SLC24A2: variants seen among roughly 807,000 people sequenced by gnomAD.
The protein encoded by SLC24A2 is solute carrier family 24 member 2, also known as sodium/potassium/calcium exchanger 2.
Under a neutral mutation model 62.0 loss-of-function variants are expected in SLC24A2, and 36 were observed. The ratio of observed to expected loss-of-function variants is 0.58; its 90% CI spans 0.44 to 0.77. The LOEUF is 0.77. Ranked by LOEUF, SLC24A2 falls within the 30% of genes least tolerant of loss-of-function variation. The probability of loss-of-function intolerance (pLI) is 0.00; values close to 1 mark genes in which losing one functional copy is unlikely to be tolerated. For synonymous variants in SLC24A2, 358 were observed against 294.0 expected (o/e 1.22, Z -2.23); for missense variants, 846 against 817.9 (o/e 1.03, Z -0.42).
At chr9:19,779,852 G>C (rs1173220866) in intron 2 of SLC24A2, among the ~76,000 whole-genome samples, 2 of 152,182 alleles carry the variant, frequency 1.3e-5, no homozygotes, top group Non-Finnish European at 2.9e-5. Context: ...GAGGTCAGGA[G>C]ATGGAGACCA....
At chr9:20,037,693 T>C in the SLC24A2 span, among the ~76,000 whole-genome samples, 1 of 152,206 alleles carries the variant, frequency 6.6e-6, no homozygotes, top group Non-Finnish European at 1.5e-5. Context: ...GGTTCTCAAC[T>C]ATGGGGCATT....
chr9:19,531,681 A>T (rs950659596), intron 8 of SLC24A2, among the ~76,000 whole-genome samples: 2 of 151,526 alleles, frequency 1.3e-5, no homozygotes, highest in East Asian at 2.0e-4. Context: ...TGGGACATAT[A>T]TTTAACAAAG....
chr9:20,236,856 A>G, the SLC24A2 span, among the ~76,000 whole-genome samples: 1 of 152,020 alleles, frequency 6.6e-6, no homozygotes, highest in African/African-American at 2.4e-5. Flanking sequence ...TGATTATGCT[A>G]TCTGAAAGGT....
the SLC24A2 span, among the ~76,000 whole-genome samples, chr9:19,797,885 G>T: frequency 3.3e-5 from 5 of 152,294 alleles, no homozygotes; most frequent in Admixed American, 3.3e-4. Context: ...GCACCTTTAA[G>T]ATTTTCAGTC....
At chr9:19,703,662 G>C (rs1457296728) in intron 2 of SLC24A2, among the ~76,000 whole-genome samples, 3 of 152,164 alleles carry the variant, frequency 2.0e-5, no homozygotes, top group Admixed American at 1.3e-4. Context: ...TAGATGAATT[G>C]AAGATAGAGG....
At chr9:19,981,157 AT>A in the SLC24A2 span, among the ~76,000 whole-genome samples, 2 of 152,236 alleles carry the variant, frequency 1.3e-5, no homozygotes, top group African/African-American at 4.8e-5. Flanking sequence ...AAATGCTAAG[AT>A]ACCTTTAAAA....
At chr9:20,228,503 T>C in the SLC24A2 span, among the ~76,000 whole-genome samples, 5 of 151,536 alleles carry the variant, frequency 3.3e-5, no homozygotes, top group Non-Finnish European at 7.4e-5. Flanking sequence ...GCAACAAATA[T>C]GAAGATGGAA....
the SLC24A2 span, among the ~76,000 whole-genome samples, chr9:19,945,993 C>T: frequency 1.2e-4 from 18 of 152,142 alleles, no homozygotes; most frequent in African/African-American, 4.3e-4. Context: ...AAGATTGTCA[C>T]CCAAGGTCCC....
the SLC24A2 span, among the ~76,000 whole-genome samples, chr9:20,099,252 T>C: frequency 2.0e-5 from 3 of 152,220 alleles, no homozygotes; most frequent in Admixed American, 6.5e-5. Flanking sequence ...TATCCAGAGA[T>C]AGGAGAAAGT....
the SLC24A2 span, among the ~76,000 whole-genome samples, chr9:20,291,516 T>C: frequency 6.6e-6 from 1 of 152,118 alleles, no homozygotes; most frequent in Non-Finnish European, 1.5e-5. Flanking sequence ...ACAAGAAGGA[T>C]GCTATGGCAG....
intron 4 of SLC24A2, among the ~76,000 whole-genome samples, chr9:19,601,169 T>C (rs1836830518): frequency 6.6e-6 from 1 of 151,722 alleles, no homozygotes; most frequent in Non-Finnish European, 1.5e-5. Flanking sequence ...CACCAATCAG[T>C]GCTCTGTAAA....
At position 19,509,050 on chromosome 9, in the gene SLC24A2, G is replaced by C. The variant is rs1256453438; in HGVS notation, c.*7103C>G. 3.9e-5 allele frequency: 6 copies of C among 152,156 alleles called. No individual in the cohort carries two copies. Among genetic ancestry groups the C allele is most frequent in the African/African-American group, 1.2e-4 (5 of 41,516 alleles). 9.4% of individuals were successfully genotyped at this position (152,156 alleles called of 1,614,324 possible). ...ATACCTCTATTTCCCATTTTTATAA[G>C]GGAACTTCTTAGACCCATCCTATAT... On this transcript the variant is annotated 3_prime_UTR_variant, in exon 11 of 11. Coordinates refer to ENST00000341998, the MANE Select transcript of SLC24A2 (RefSeq NM_020344.4).
chr9:19,609,054 C>A (rs1837071794), intron 4 of SLC24A2, among the ~76,000 whole-genome samples: 1 of 152,232 alleles, frequency 6.6e-6, no homozygotes, highest in African/African-American at 2.4e-5. Flanking sequence ...AAGGCCCTTC[C>A]TCAGGGTTCA....
chr9:19,660,222 C>T (rs1819057520), intron 2 of SLC24A2, among the ~76,000 whole-genome samples: 1 of 152,128 alleles, frequency 6.6e-6, no homozygotes, highest in African/African-American at 2.4e-5. Flanking sequence ...AATGACTGCT[C>T]TAACATTTCT....
the SLC24A2 span, among the ~76,000 whole-genome samples, chr9:20,118,451 CT>C: frequency 0.014 from 2,198 of 152,172 alleles, 72 homozygotes; most frequent in African/African-American, 0.05. Flanking sequence ...CCAGGGGCCC[CT>C]GACTGATGCT....
At chr9:20,105,761 T>C in the SLC24A2 span, among the ~76,000 whole-genome samples, 1 of 151,804 alleles carries the variant, frequency 6.6e-6, no homozygotes, top group African/African-American at 2.4e-5. Context: ...GATCCAAAAT[T>C]GACACCCTAA....
the SLC24A2 span, among the ~76,000 whole-genome samples, chr9:20,007,270 C>G: frequency 6.6e-6 from 1 of 152,158 alleles, no homozygotes; most frequent in Non-Finnish European, 1.5e-5. Context: ...TAGGTTTCAT[C>G]TTCTGTGCCA....
chr9:19,751,771 C>G (rs1354005993), intron 2 of SLC24A2, among the ~76,000 whole-genome samples: 3 of 152,112 alleles, frequency 2.0e-5, no homozygotes, highest in Admixed American at 2.0e-4. Flanking sequence ...AGGACCATGG[C>G]TCTTTCTTTA....
Position 19,619,682 on chromosome 9 carries a change from C to A in SLC24A2, c.980G>T (p.Arg327Leu). The A allele has an allele frequency of 6.2e-7, 1 of 1,613,570 alleles. No individual in the cohort carries two copies. Among genetic ancestry groups the A allele is most frequent in the Non-Finnish European group, 8.5e-7 (1 of 1,179,614 alleles). The change falls in exon 4 of 11, where the codon CGT (arginine) becomes CTT (leucine). Residue 327 changes from arginine (R) to leucine (L), a missense_variant. Transcript: ENST00000341998. ...GGCAGAGCTTCCACCTCGCTGGAGACGCGGCTTAGCCTGAGCAGAGAAACC... is the reference window on the plus strand; with the variant it reads ...GGCAGAGCTTCCACCTCGCTGGAGAAGCGGCTTAGCCTGAGCAGAGAAACC... ...KDEPTLPAKP[R>L]LQRGGSSASL...
Sources: allele counts gnomAD v4.1 joint callset (sites outside exome capture counted in the v4.1 genomes callset), GRCh38; gene constraint gnomAD v4.1.1; transcripts MANE v1.5; gene names NCBI Gene and HGNC (gene_info 2026-07-23, HGNC 2026-07-21).